Variants in CDHR3 observed in about 807,000 individuals in gnomAD.
CDHR3 encodes the protein cadherin related family member 3, also known as cadherin-related family member 3.
In CDHR3, 79 loss-of-function variants were observed where a neutral mutation model predicts 86.6. The ratio of observed to expected loss-of-function variants is 0.91; its 90% CI spans 0.76 to 1.10. The LOEUF is 1.10. Ranked by LOEUF, CDHR3 falls within the 50% of genes least tolerant of loss-of-function variation. The probability of loss-of-function intolerance (pLI) is 0.00; values close to 1 mark genes in which losing one functional copy is unlikely to be tolerated. For missense variants in CDHR3, 1,081 were observed against 1,077.6 expected (o/e 1.00, Z -0.04); for synonymous variants, 421 against 402.4 (o/e 1.05, Z -0.55).
At chr7:105,974,797 C>A (rs1230375887) in intron 1 of CDHR3, 47 bp from the exon 2 acceptor site, 2 of 1,516,658 alleles carry the variant, frequency 1.3e-6, no homozygotes, top group East Asian at 2.3e-5. Flanking sequence ...CTGTTCCCAG[C>A]AAAAGGCTTT....
chr7:106,001,255 A>C (rs896039659), intron 6 of CDHR3, among the ~76,000 whole-genome samples: 1 of 152,184 alleles, frequency 6.6e-6, no homozygotes, highest in Non-Finnish European at 1.5e-5. Flanking sequence ...ACAGCGTGGT[A>C]CTTTCTTCAC....
chr7:106,018,193 G>A (rs1189975050), intron 12 of CDHR3, 121 bp downstream of exon 12: 2 of 723,034 alleles, frequency 2.8e-6, no homozygotes, highest in Non-Finnish European at 4.5e-6. Flanking sequence ...CTGCGGATGT[G>A]GTGAGAAACA....
intron 17 of CDHR3, 41 bp downstream of exon 17, chr7:106,028,623 G>C (rs1161896289): frequency 6.2e-7 from 1 of 1,611,540 alleles, no homozygotes. Flanking sequence ...TAGACGCTGG[G>C]GGATAGGGGC....
intron 16 of CDHR3, chr7:106,027,814 C>G (rs1017027377): frequency 7.4e-5 from 25 of 339,690 alleles, no homozygotes; most frequent in African/African-American, 5.4e-4. Context: ...CAAACTGTCT[C>G]TAATCCCACT....
chr7:105,967,322 A>G (rs1329747493), intron 1 of CDHR3, among the ~76,000 whole-genome samples: 2 of 152,182 alleles, frequency 1.3e-5, no homozygotes, highest in African/African-American at 2.4e-5. Flanking sequence ...TCCATGGTGT[A>G]TATGTGCCAC....
chr7:105,973,589 A>C (rs1001266308), intron 1 of CDHR3, among the ~76,000 whole-genome samples: 1 of 152,124 alleles, frequency 6.6e-6, no homozygotes, highest in Non-Finnish European at 1.5e-5. Context: ...TTATGAGGAC[A>C]CTGACCACTG....
chr7:105,975,862 A>T (rs1828722284), intron 2 of CDHR3, among the ~76,000 whole-genome samples: 1 of 152,124 alleles, frequency 6.6e-6, no homozygotes, highest in South Asian at 2.1e-4. Context: ...GTCCTGAGTC[A>T]GGGTTGCTTC....
At chr7:105,995,381 A>T (rs1406848754) in intron 5 of CDHR3, among the ~76,000 whole-genome samples, 1 of 152,234 alleles carries the variant, frequency 6.6e-6, no homozygotes, top group East Asian at 1.9e-4. Flanking sequence ...ATTTAACATC[A>T]TGAGAAAAGA....
rs56076993 is a variant in CDHR3, at chr7:106,035,082, GA to G, written c.*2401del. On this transcript the variant is annotated 3_prime_UTR_variant, in exon 19 of 19. Transcript: ENST00000317716. ...TGACAAGGGCAAAACTCTGTGTCAA[GA>G]AAAAAAAAAAAAAAAGAATAATTAA... 0.01 allele frequency among the ~76,000 whole-genome samples: 1,431 copies of G among 136,682 alleles called. 18 individuals carry two copies. The highest frequency in any genetic ancestry group is 0.029 in the African/African-American group (1,047 of 36,288). 89.7% of individuals were successfully genotyped at this position (136,682 alleles called of 152,430 possible).
chr7:105,979,475 A>T (rs74931634), intron 2 of CDHR3, among the ~76,000 whole-genome samples: 2,604 of 152,282 alleles, frequency 0.017, 29 homozygotes, highest in Middle Eastern at 0.031. Flanking sequence ...GCAATGTCCA[A>T]CATAATACCT....
In CDHR3 at chr7:105,981,134, G is replaced by T. The variant is rs1338767940; in HGVS notation, c.415+1G>T. ...CAGTTTCAAGGCAACTTGGCAGAAG[G>T]TAGGATACACCAGGATGTGCACTGC... On this transcript the variant is annotated splice_donor_variant, in intron 3 of 18. Coordinates refer to ENST00000317716, the MANE Select transcript of CDHR3 (RefSeq NM_152750.5). LOFTEE classifies it high-confidence loss of function. The T allele has an allele frequency of 6.2e-7, 1 of 1,613,234 alleles. No individual in the cohort carries two copies. The highest frequency in any genetic ancestry group is 8.5e-7 in the Non-Finnish European group (1 of 1,179,630).
At position 106,032,587 on chromosome 7, in the gene CDHR3, G is replaced by T. The variant is rs557032453; in HGVS notation, c.2548G>T (p.Glu850Ter). The change falls in exon 19 of 19, where the codon GAG (glutamate) becomes TAG (stop). Residue 850 changes from glutamate (E) to a stop codon, truncating the protein, a stop_gained. Transcript: ENST00000317716. LOFTEE classifies it low-confidence loss of function (END_TRUNC). ...EDELSGKAWA[E>*]DAGLGSRNEG... Reference sequence around the variant, plus strand: ...TGAGCTGAGTGGCAAAGCGTGGGCTGAGGATGCTGGTCTGGGTTCCAGAAA... The same window carrying T: ...TGAGCTGAGTGGCAAAGCGTGGGCTTAGGATGCTGGTCTGGGTTCCAGAAA... 2 of 1,613,888 alleles carry T rather than the reference G, an allele frequency of 1.2e-6. No individual in the cohort carries two copies. Among genetic ancestry groups the T allele is most frequent in the African/African-American group, 2.7e-5 (2 of 74,900 alleles).
chr7:106,011,870 A>G (rs369013), intron 8 of CDHR3, among the ~76,000 whole-genome samples: 152,193 of 152,276 alleles, frequency 1, 76,055 homozygotes, highest in Middle Eastern at 1. Context: ...TACTGAGATC[A>G]AGACCCCCGA....
At position 106,015,988 on chromosome 7, in the gene CDHR3, G is replaced by C. The variant is rs1364034035; in HGVS notation, c.1389G>C (p.Arg463Ser). ...ATGAGTTTCCTCTCATTTTTGATAG[G>C]CCATCCTATGTATTTGATGTGTCAG... ...PENEFPLIFD[R>S]PSYVFDVSER... Residue 463 changes from arginine to serine, a missense_variant, in exon 11 of 19, where the codon AGG becomes AGC. By Grantham distance (110) the Arg-to-Ser change is moderately radical. Transcript: ENST00000317716. The C allele has an allele frequency of 6.2e-6, 10 of 1,612,636 alleles. No individual in the cohort carries two copies. The highest frequency in any genetic ancestry group is 8.5e-6 in the Non-Finnish European group (10 of 1,179,304).
chr7:106,015,223 A>G lies in CDHR3; in HGVS notation c.1327+10A>G. ...CCCCCTTACTATAAAAGCAAGTATC[A>G]TTTTGTTTTATTTCATGATTGTCTT... On this transcript the variant is annotated intron_variant, in intron 10 of 18. Transcript: ENST00000317716. 2 of 1,586,604 alleles carry G rather than the reference A, an allele frequency of 1.3e-6. No homozygotes were observed. Among genetic ancestry groups the G allele is most frequent in the South Asian group, 1.1e-5 (1 of 86,978 alleles).
intron 4 of CDHR3, among the ~76,000 whole-genome samples, chr7:105,984,903 A>G (rs1175779084): frequency 6.6e-6 from 1 of 152,028 alleles, no homozygotes; most frequent in Non-Finnish European, 1.5e-5. Context: ...TACAAAAAAT[A>G]AAAAAATTAG....
At position 106,028,678 on chromosome 7, in the gene CDHR3, G is replaced by A. The variant is rs556611861; in HGVS notation, c.2304+96G>A. 3.8e-5 allele frequency: 51 copies of A among 1,346,804 alleles called. No individual in the cohort carries two copies. The East Asian group carries it at 8.4e-4, about 22-fold the overall frequency. The allele number at this position is 1,346,804 out of a possible 1,614,324, so 83.4% of individuals were successfully genotyped here. On this transcript the variant is annotated intron_variant, in intron 17 of 18. Coordinates refer to ENST00000317716, the MANE Select transcript of CDHR3 (RefSeq NM_152750.5). ...AGGCCTGCCACAGCCTTGTGGGCATGTTTATCATTCAGGGAGGTGCTTGTG... is the reference window on the plus strand; with the variant it reads ...AGGCCTGCCACAGCCTTGTGGGCATATTTATCATTCAGGGAGGTGCTTGTG...
Position 105,996,316 on chromosome 7 carries a change from C to T in CDHR3, c.675C>T (p.Asn225=). The T allele has an allele frequency of 1.3e-6, 2 of 1,598,662 alleles. No individual in the cohort carries two copies. The highest frequency in any genetic ancestry group is 2.7e-5 in the African/African-American group (2 of 74,788). Residue 225 remains asparagine (N), a synonymous_variant, in exon 6 of 19, where the codon AAC becomes AAT. Transcript: ENST00000317716. ...GLKASTELQV[N]IVNLNDEVPR... ...AAGCCTCCACAGAGCTCCAGGTGAA[C>T]ATCGTGAACCTCAACGACGAAGTCC...
chr7:106,028,920 C>CTTTCTTTCTTTCTTTCTTTT lies in CDHR3; in HGVS notation c.2304+357_2304+358insTTTTCTTTCTTTCTTTCTTT, dbSNP rs1563311757. 2.5e-3 allele frequency among the ~76,000 whole-genome samples: 154 copies of CTTTCTTTCTTTCTTTCTTTT among 60,700 alleles called. 3 individuals are homozygous for CTTTCTTTCTTTCTTTCTTTT. Among genetic ancestry groups the CTTTCTTTCTTTCTTTCTTTT allele is most frequent in the African/African-American group, 0.011 (148 of 13,422 alleles). The allele number at this position is 60,700 out of a possible 152,430, so 39.8% of individuals were successfully genotyped here. A position where few individuals can be genotyped will look rare whatever the true frequency, so the allele number is the denominator to read the frequency against. Reference sequence around the variant, plus strand: ...CAGCCTCCAGTGAGATTTAAATTTTCTTTCTTTCTTTCTTTCTTTCTTTCT... The same window carrying CTTTCTTTCTTTCTTTCTTTT: ...CAGCCTCCAGTGAGATTTAAATTTTCTTTCTTTCTTTCTTTCTTTTTTTCTTTCTTTCTTTCTTTCTTTCT... On this transcript the variant is annotated intron_variant, in intron 17 of 18. Transcript: ENST00000317716.
Sources: allele counts gnomAD v4.1 joint callset (sites outside exome capture counted in the v4.1 genomes callset), GRCh38; gene constraint gnomAD v4.1.1; transcripts MANE v1.5; gene names NCBI Gene and HGNC (gene_info 2026-07-23, HGNC 2026-07-21).